The following PAK1 variants were observed in gnomAD, a reference collection of about 807,000 sequenced individuals.
The protein encoded by PAK1 is p21 (RAC1) activated kinase 1, also known as serine/threonine-protein kinase PAK 1.
PAK1 carries 29 observed loss-of-function variants against 67.4 expected under a neutral mutation model. The ratio of observed to expected loss-of-function variants is 0.43; its 90% CI spans 0.32 to 0.59. The LOEUF (loss-of-function observed/expected upper bound fraction) is 0.59. PAK1 is among the 20% of genes least tolerant of loss of function. The probability of loss-of-function intolerance (pLI) is 0.07; values close to 1 mark genes in which losing one functional copy is unlikely to be tolerated. For synonymous variants in PAK1, 223 were observed against 237.4 expected (o/e 0.94, Z 0.56); for missense variants, 337 against 670.7 (o/e 0.50, Z 5.50).
At chr11:77,339,755 T>G (rs960017425) in intron 11 of PAK1, among the ~76,000 whole-genome samples, 3 of 152,098 alleles carry the variant, frequency 2.0e-5, no homozygotes, top group Non-Finnish European at 4.4e-5. Context: ...GAACCTCATC[T>G]CATCTTCTAT....
chr11:77,326,349 T>C lies in PAK1; in HGVS notation c.1552-2989A>G, dbSNP rs536172062. Among the ~76,000 whole-genome samples the C allele has an allele frequency of 3.3e-5, 5 of 152,230 alleles. No individual in the cohort carries two copies. The East Asian group carries it at 9.6e-4, about 29-fold the overall frequency. ...ATTGCCATTATCTGAGGATTTCCAATGAATAAAGTGTAAAGACTCCAAAAG... is the reference window on the plus strand; with the variant it reads ...ATTGCCATTATCTGAGGATTTCCAACGAATAAAGTGTAAAGACTCCAAAAG... On this transcript the variant is annotated intron_variant, in intron 14 of 14. Coordinates refer to ENST00000356341, the MANE Select transcript of PAK1 (RefSeq NM_002576.5).
At chr11:77,472,816 T>C (rs1279850325) in intron 1 of PAK1, among the ~76,000 whole-genome samples, 1 of 146,942 alleles carries the variant, frequency 6.8e-6, no homozygotes, top group Non-Finnish European at 1.5e-5. Context: ...AGAACAATTA[T>C]CCAAGGGGTT....
chr11:77,421,874 A>AAT (rs1955282885), intron 1 of PAK1, among the ~76,000 whole-genome samples: 1 of 152,214 alleles, frequency 6.6e-6, no homozygotes, highest in Non-Finnish European at 1.5e-5. Context: ...TGAAATGCAC[A>AAT]ATCTCTGAGG....
chr11:77,363,229 C>T (rs540054995), intron 5 of PAK1, among the ~76,000 whole-genome samples: 5 of 152,114 alleles, frequency 3.3e-5, no homozygotes, highest in South Asian at 2.1e-4. Flanking sequence ...CTGGGCAGCT[C>T]GGAATGATAT....
chr11:77,427,964 G>T (rs1955641571), intron 1 of PAK1, among the ~76,000 whole-genome samples: 1 of 152,218 alleles, frequency 6.6e-6, no homozygotes, highest in South Asian at 2.1e-4. Flanking sequence ...CAAAAAGCCA[G>T]AGGAGTAAAT....
chr11:77,462,069 G>A (rs1214576254), intron 1 of PAK1, among the ~76,000 whole-genome samples: 3 of 152,186 alleles, frequency 2.0e-5, no homozygotes, highest in African/African-American at 7.2e-5. Flanking sequence ...GCTCACGCCT[G>A]TAATCCCAGC....
chr11:77,346,129 G>A (rs570086567), intron 9 of PAK1, among the ~76,000 whole-genome samples: 16 of 152,022 alleles, frequency 1.1e-4, no homozygotes, highest in Non-Finnish European at 1.6e-4. Flanking sequence ...ATCTGCCATC[G>A]CACCCAGCTA....
intron 1 of PAK1, among the ~76,000 whole-genome samples, chr11:77,441,133 A>C (rs920186349): frequency 6.6e-6 from 1 of 152,102 alleles, no homozygotes; most frequent in Non-Finnish European, 1.5e-5. Flanking sequence ...GTTCCTGAAG[A>C]AGCTTCAATC....
the PAK1 span, among the ~76,000 whole-genome samples, chr11:77,524,085 A>G: frequency 4.4e-4 from 67 of 152,374 alleles, no homozygotes; most frequent in Admixed American, 2.9e-3. Context: ...AAAGGCCCCA[A>G]TGAGTCTTCC....
At chr11:77,355,568 A>C (rs535302153) in intron 7 of PAK1, 100 bp downstream of exon 7, 2 of 944,632 alleles carry the variant, frequency 2.1e-6, no homozygotes, top group East Asian at 4.8e-5. Flanking sequence ...GGTACCAAGC[A>C]TGGCCAGCCA....
chr11:77,343,700 C>A, intron 10 of PAK1, 119 bp downstream of exon 10: 1 of 691,556 alleles, frequency 1.4e-6, no homozygotes. Flanking sequence ...AGCTCAGCAT[C>A]ACAGAAGACT....
At chr11:77,526,866 A>G in the PAK1 span, among the ~76,000 whole-genome samples, 1 of 151,736 alleles carries the variant, frequency 6.6e-6, no homozygotes, top group South Asian at 2.1e-4. Flanking sequence ...CAGTGAGCCA[A>G]GATCACACCA....
the PAK1 span, among the ~76,000 whole-genome samples, chr11:77,501,023 C>A: frequency 6.6e-6 from 1 of 150,666 alleles, no homozygotes; most frequent in Non-Finnish European, 1.5e-5. Context: ...TGGTGGCAGG[C>A]GCCTGTAGTC....
chr11:77,461,328 G>A (rs1043098720), intron 1 of PAK1, among the ~76,000 whole-genome samples: 3 of 152,168 alleles, frequency 2.0e-5, no homozygotes, highest in Admixed American at 2.0e-4. Flanking sequence ...AGATGTTGCT[G>A]GGAAGGTATT....
intron 1 of PAK1, among the ~76,000 whole-genome samples, chr11:77,406,727 G>A (rs1953628038): frequency 6.6e-6 from 1 of 152,166 alleles, no homozygotes; most frequent in Non-Finnish European, 1.5e-5. Context: ...CAGTGAGTGA[G>A]CTGAGATTGC....
At chr11:77,478,560 C>T (rs1027757443), upstream of PAK1, among the ~76,000 whole-genome samples, 4 of 151,832 alleles carry the variant, frequency 2.6e-5, no homozygotes, top group Admixed American at 1.3e-4. Context: ...ATTGCCTGAG[C>T]TCAGGAGTTC....
At chr11:77,453,400 C>T (rs1164440987) in intron 1 of PAK1, among the ~76,000 whole-genome samples, 1 of 151,812 alleles carries the variant, frequency 6.6e-6, no homozygotes, top group Admixed American at 6.6e-5. Flanking sequence ...CCTGTCTGTC[C>T]TAGTTTCTTT....
At chr11:77,489,445 C>A in the PAK1 span, among the ~76,000 whole-genome samples, 1 of 151,836 alleles carries the variant, frequency 6.6e-6, no homozygotes, top group Non-Finnish European at 1.5e-5. Flanking sequence ...CCCCTCTCCC[C>A]TCTCCCCACG....
At chr11:77,423,033 T>G (rs1032590997) in intron 1 of PAK1, among the ~76,000 whole-genome samples, 1 of 152,078 alleles carries the variant, frequency 6.6e-6, no homozygotes, top group African/African-American at 2.4e-5. Flanking sequence ...TCCAGAAAAT[T>G]AATTCCTATA....
Sources: gnomAD v4.1 joint callset for allele counts (sites outside exome capture counted in the v4.1 genomes callset) on GRCh38, gnomAD v4.1.1 for gene constraint, MANE v1.5 for transcripts, NCBI Gene and HGNC (gene_info 2026-07-23, HGNC 2026-07-21) for gene names.